SPECC1L: variants seen among roughly 807,000 people sequenced by gnomAD.
SPECC1L encodes the protein cytospin-A.
Under a neutral mutation model 116.8 loss-of-function variants are expected in SPECC1L, and 40 were observed. That is an observed-to-expected ratio of 0.34 (90% confidence interval 0.27 to 0.45). The LOEUF (loss-of-function observed/expected upper bound fraction) is 0.45, where lower values mean the gene tolerates loss of function less well. SPECC1L is among the 20% of genes least tolerant of loss of function. The pLI is 1.00. For missense variants in SPECC1L, 1,110 were observed against 1,373.6 expected (o/e 0.81, Z 3.03); for synonymous variants, 504 against 500.6 (o/e 1.01, Z -0.09).
chr22:24,353,383 T>G (rs1230370954), intron 11 of SPECC1L, among the ~76,000 whole-genome samples: 1 of 152,224 alleles, frequency 6.6e-6, no homozygotes, highest in African/African-American at 2.4e-5. Flanking sequence ...TCAGATGGGC[T>G]TGTCTGATAT....
chr22:24,396,163 CT>C (rs2042364371), intron 14 of SPECC1L, among the ~76,000 whole-genome samples: 1 of 152,158 alleles, frequency 6.6e-6, no homozygotes, highest in African/African-American at 2.4e-5. Flanking sequence ...GGAAATTTTT[CT>C]TTCAATGCTC....
rs373780636 is a variant in SPECC1L, at chr22:24,294,277, T to G, written c.-37-7918T>G. Among the ~76,000 whole-genome samples the G allele has an allele frequency of 8.2e-4, 115 of 140,872 alleles. 1 individual carries two copies. In the East Asian group the frequency reaches 0.019, roughly 23 times the overall value. 92.4% of individuals were successfully genotyped at this position (140,872 alleles called of 152,430 possible). A position where few individuals can be genotyped will look rare whatever the true frequency, so the allele number is the denominator to read the frequency against. ...ACATATACTTGCCCTGTTTTTTGTT[T>G]TTTAAAGTAGGTTCATAAAGGATGG... On this transcript the variant is annotated intron_variant, in intron 2 of 16. Coordinates refer to ENST00000314328, the MANE Select transcript of SPECC1L (RefSeq NM_015330.6).
chr22:24,309,805 A>G (rs992595518), intron 3 of SPECC1L, among the ~76,000 whole-genome samples: 1 of 152,222 alleles, frequency 6.6e-6, no homozygotes, highest in Non-Finnish European at 1.5e-5. Flanking sequence ...GTTCATTTGA[A>G]ATACAGTTAG....
chr22:24,387,595 T>G (rs1366604247), intron 14 of SPECC1L, among the ~76,000 whole-genome samples: 4 of 152,188 alleles, frequency 2.6e-5, no homozygotes, highest in African/African-American at 9.6e-5. Context: ...GGTTTTGAGG[T>G]TTTTATGTCA....
intron 15 of SPECC1L, chr22:24,412,028 G>A (rs991176054): frequency 5.1e-5 from 22 of 431,248 alleles, no homozygotes; most frequent in Admixed American, 2.1e-4. Context: ...GGAGTAGTCA[G>A]GCAGTGCTGA....
At chr22:24,357,409 A>G (rs1234669937) in intron 11 of SPECC1L, among the ~76,000 whole-genome samples, 1 of 152,200 alleles carries the variant, frequency 6.6e-6, no homozygotes, top group East Asian at 1.9e-4. Flanking sequence ...AAAATATAAA[A>G]TGATATATTA....
intron 6 of SPECC1L, among the ~76,000 whole-genome samples, chr22:24,328,022 A>C (rs564396953): frequency 6.6e-6 from 1 of 152,346 alleles, no homozygotes; most frequent in African/African-American, 2.4e-5. Flanking sequence ...TGAGCTGTCA[A>C]AGTAACACAG....
chr22:24,378,796 A>C (rs1374332292), intron 14 of SPECC1L, among the ~76,000 whole-genome samples: 1 of 152,182 alleles, frequency 6.6e-6, no homozygotes, highest in Admixed American at 6.5e-5. Flanking sequence ...CAAAACAATT[A>C]CTATAGTAAC....
intron 2 of SPECC1L, among the ~76,000 whole-genome samples, chr22:24,300,953 T>A (rs989953754): frequency 6.6e-6 from 1 of 152,102 alleles, no homozygotes; most frequent in Admixed American, 6.5e-5. Context: ...TTACACCTTA[T>A]AAAAAATTAA....
intron 3 of SPECC1L, among the ~76,000 whole-genome samples, chr22:24,308,747 A>G (rs2049553590): frequency 6.6e-6 from 1 of 152,142 alleles, no homozygotes; most frequent in Non-Finnish European, 1.5e-5. Flanking sequence ...GCCACATGGT[A>G]ATTTTCTAAT....
chr22:24,275,923 G>T (rs1294361159), intron 1 of SPECC1L, among the ~76,000 whole-genome samples: 1 of 152,114 alleles, frequency 6.6e-6, no homozygotes, highest in African/African-American at 2.4e-5. Context: ...ATCTTGCCTA[G>T]GCTGGTGTGG....
chr22:24,317,358 A>G (rs1406074306), intron 4 of SPECC1L, among the ~76,000 whole-genome samples: 1 of 98,952 alleles, frequency 1.0e-5, no homozygotes, highest in African/African-American at 3.7e-5. Flanking sequence ...GGCCGGGCAG[A>G]GGGGCTCCTC....
At chr22:24,303,885 G>A (rs963709947) in intron 3 of SPECC1L, among the ~76,000 whole-genome samples, 8 of 145,962 alleles carry the variant, frequency 5.5e-5, no homozygotes, top group African/African-American at 2.0e-4. Flanking sequence ...GTGTGTGTGT[G>A]TAGCAGGAAG....
rs1482184799 is a variant in SPECC1L, at chr22:24,321,404, G to T, written c.424G>T (p.Gly142Cys). ...LNQSKKLPSA[G>C]QGANDMALAK... ...CCAGAGCAAAAAACTACCTTCTGCA[G>T]GTCAGGGAGCTAATGACATGGCATT... Residue 142 changes from glycine (G) to cysteine (C), a missense_variant, in exon 5 of 17, where the codon GGT becomes TGT. Physicochemically the swap from Gly to Cys is radical, Grantham distance 159 (BLOSUM62 -3). Transcript: ENST00000314328. 1 of 1,614,116 alleles carries T rather than the reference G, an allele frequency of 6.2e-7. No homozygotes were observed. Among genetic ancestry groups the T allele is most frequent in the Non-Finnish European group, 8.5e-7 (1 of 1,180,042 alleles).
intron 14 of SPECC1L, among the ~76,000 whole-genome samples, chr22:24,372,428 G>A (rs2041890073): frequency 6.6e-6 from 1 of 152,128 alleles, no homozygotes. Context: ...GATCCACCAT[G>A]ATCATGTGGG....
Position 24,351,976 on chromosome 22 carries a change from G to A in SPECC1L, c.2743+4800G>A, listed in dbSNP as rs565388715. Among the ~76,000 whole-genome samples, 18 of 151,424 alleles carry A rather than the reference G, an allele frequency of 1.2e-4. No individual in the cohort carries two copies. In the South Asian group the frequency reaches 1.7e-3, roughly 14 times the overall value. On this transcript the variant is annotated intron_variant, in intron 11 of 16. Coordinates refer to ENST00000314328, the MANE Select transcript of SPECC1L (RefSeq NM_015330.6). ...TGCACTCCAGCCTGGGGAATAGAGCGAGACTCTGTCTCAAAAAAAAAAAGA... is the reference window on the plus strand; with the variant it reads ...TGCACTCCAGCCTGGGGAATAGAGCAAGACTCTGTCTCAAAAAAAAAAAGA...
intron 2 of SPECC1L, 150 bp from the exon 3 acceptor site, chr22:24,302,044 TC>T (rs2049390831): frequency 1.8e-6 from 1 of 545,770 alleles, no homozygotes; most frequent in Non-Finnish European, 3.2e-6. Flanking sequence ...AGACTCCGTC[TC>T]AAAAAAAAAA....
chr22:24,371,571 A>G (rs1390313098), intron 14 of SPECC1L, among the ~76,000 whole-genome samples: 1 of 152,254 alleles, frequency 6.6e-6, no homozygotes, highest in Admixed American at 6.5e-5. Flanking sequence ...AGTGAAAATT[A>G]AAGCACACAC....
intron 11 of SPECC1L, among the ~76,000 whole-genome samples, chr22:24,354,196 C>T (rs1448698015): frequency 6.6e-6 from 1 of 152,210 alleles, no homozygotes; most frequent in Non-Finnish European, 1.5e-5. Context: ...CCAGGCCCAC[C>T]TCCAACACTG....
Sources: allele counts gnomAD v4.1 joint callset (sites outside exome capture counted in the v4.1 genomes callset), GRCh38; gene constraint gnomAD v4.1.1; transcripts MANE v1.5; gene names NCBI Gene and HGNC (gene_info 2026-07-23, HGNC 2026-07-21).